KIAA1217: variants seen among roughly 807,000 people sequenced by gnomAD.
KIAA1217 encodes sickle tail protein homolog.
Under a neutral mutation model 163.9 loss-of-function variants are expected in KIAA1217, and 88 were observed. That is an observed-to-expected ratio of 0.54 (90% CI 0.45 to 0.64). The LOEUF is 0.64. KIAA1217 is among the 30% of genes least tolerant of loss of function. The probability of loss-of-function intolerance (pLI) is 0.00; values close to 1 mark genes in which losing one functional copy is unlikely to be tolerated. For synonymous variants in KIAA1217, 903 were observed against 923.1 expected (o/e 0.98, Z 0.39); for missense variants, 2,372 against 2,475.0 (o/e 0.96, Z 0.88).
chr10:24,212,619 T>C (rs112551476), intron 1 of KIAA1217, among the ~76,000 whole-genome samples: 97 of 152,332 alleles, frequency 6.4e-4, no homozygotes, highest in Non-Finnish European at 1.2e-3. Flanking sequence ...AATATGATGC[T>C]GTAGAGAAGC....
In KIAA1217 at chr10:23,790,546, T is replaced by C. The variant is rs1269845876; in HGVS notation, c.-321+95312T>C. ...ATACATATATACATATACATGTGCA[T>C]ATATACATATGTACATATGTATATA... On this transcript the variant is annotated intron_variant, in intron 1 of 18. Transcript: ENST00000376462. Among the ~76,000 whole-genome samples, 3 of 118,290 alleles carry C rather than the reference T, an allele frequency of 2.5e-5. 1 individual carries two copies. The highest frequency in any genetic ancestry group is 1.2e-4 in the African/African-American group (3 of 25,240). The allele number at this position is 118,290 out of a possible 152,430, so 77.6% of individuals were successfully genotyped here. A position where few individuals can be genotyped will look rare whatever the true frequency, so the allele number is the denominator to read the frequency against.
At chr10:24,517,172 TAAA>T (rs34657439) in intron 10 of KIAA1217, among the ~76,000 whole-genome samples, 42,998 of 141,688 alleles carry the variant, frequency 0.3, 6,415 homozygotes, top group Middle Eastern at 0.42. Context: ...AAAACCCTGT[TAAA>T]AAAAAAAAAA....
intron 1 of KIAA1217, among the ~76,000 whole-genome samples, chr10:23,934,620 TATA>T (rs1297498276): frequency 2.1e-5 from 2 of 93,882 alleles, no homozygotes; most frequent in Admixed American, 1.0e-4. Flanking sequence ...TATATATATA[TATA>T]TATTTTTTTT....
At chr10:23,850,443 A>G (rs564718797) in intron 1 of KIAA1217, among the ~76,000 whole-genome samples, 2 of 152,252 alleles carry the variant, frequency 1.3e-5, no homozygotes, top group Middle Eastern at 3.4e-3. Context: ...ACTGTAGGGA[A>G]AAAACCAGAT....
intron 2 of KIAA1217, among the ~76,000 whole-genome samples, chr10:24,149,040 G>T (rs2064475103): frequency 6.6e-6 from 1 of 152,020 alleles, no homozygotes; most frequent in Non-Finnish European, 1.5e-5. Context: ...TCTGCTTACT[G>T]CCTGACATCC....
intron 1 of KIAA1217, among the ~76,000 whole-genome samples, chr10:23,955,174 G>T (rs954403840): frequency 6.6e-6 from 1 of 152,158 alleles, no homozygotes; most frequent in African/African-American, 2.4e-5. Context: ...CACAGAGGGG[G>T]TAAGCGGCAG....
In KIAA1217 at chr10:23,818,956, T is replaced by C. The variant is rs115174520; in HGVS notation, c.-321+123722T>C. Among the ~76,000 whole-genome samples the C allele has an allele frequency of 6.9e-3, 1,044 of 152,316 alleles. 14 individuals carry two copies. The highest frequency in any genetic ancestry group is 0.024 in the African/African-American group (1,008 of 41,564). ...GATCACATCTTAATAAAATCTCCCTTATGTACATAATGTGTTTAAAATGAT... is the reference window on the plus strand; with the variant it reads ...GATCACATCTTAATAAAATCTCCCTCATGTACATAATGTGTTTAAAATGAT... On this transcript the variant is annotated intron_variant, in intron 1 of 18. Coordinates refer to the KIAA1217 transcript ENST00000376462.
In KIAA1217 at chr10:24,068,482, T is replaced by G. The variant is rs568192675; in HGVS notation, c.-171+61108T>G. 2.0e-5 allele frequency among the ~76,000 whole-genome samples: 3 copies of G among 152,344 alleles called. No homozygotes were observed. The East Asian group carries it at 5.8e-4, about 29-fold the overall frequency. On this transcript the variant is annotated intron_variant, in intron 2 of 18. Coordinates refer to the KIAA1217 transcript ENST00000376462. ...GTTTCATTAGGATTGGTTTCTCGAA[T>G]TTTATCTTGTTTCTTAGTTTGAATC...
Position 23,940,465 on chromosome 10 carries a change from AAAAAAAAAAAAAAAAAAAAG to A in KIAA1217, c.-320-66753_-320-66734del, listed in dbSNP as rs1281941307. ...ACAACAGAGAGACTCCGTCTCAAAAAAAAAAAAAAAAAAAAAAAAGAAAAAAGAAAAAAAGAAATTTCAGC... is the reference window on the plus strand; with the variant it reads ...ACAACAGAGAGACTCCGTCTCAAAAAAAAAAAGAAAAAAAGAAATTTCAGC... On this transcript the variant is annotated intron_variant, in intron 1 of 18. Coordinates refer to the KIAA1217 transcript ENST00000376462. Among the ~76,000 whole-genome samples the A allele has an allele frequency of 7.7e-5, 11 of 142,576 alleles. 1 individual carries two copies. Among genetic ancestry groups the A allele is most frequent in the Non-Finnish European group, 1.2e-4 (8 of 65,404 alleles). 93.5% of individuals were successfully genotyped at this position (142,576 alleles called of 152,430 possible).
rs186310146 is a variant in KIAA1217 at position 23,848,283 on chromosome 10, C to G, written c.-321+153049C>G. 1.6e-4 allele frequency among the ~76,000 whole-genome samples: 24 copies of G among 152,148 alleles called. No homozygotes were observed. The East Asian group carries it at 4.3e-3, about 27-fold the overall frequency. ...GATTATCCTTGTTAATTTTCTGTCTCATTGATTTGTCTAATATTGACAGTG... is the reference window on the plus strand; with the variant it reads ...GATTATCCTTGTTAATTTTCTGTCTGATTGATTTGTCTAATATTGACAGTG... On this transcript the variant is annotated intron_variant, in intron 1 of 18. Transcript: ENST00000376462.
chr10:23,755,616 A>G (rs887409235), intron 1 of KIAA1217, among the ~76,000 whole-genome samples: 2 of 152,190 alleles, frequency 1.3e-5, no homozygotes, highest in African/African-American at 4.8e-5. Context: ...CAAACGAGGA[A>G]TGAAAAGAGA....
intron 1 of KIAA1217, among the ~76,000 whole-genome samples, chr10:23,781,467 A>G (rs1201029111): frequency 6.6e-6 from 1 of 152,098 alleles, no homozygotes; most frequent in Non-Finnish European, 1.5e-5. Flanking sequence ...TGAGTTCCTT[A>G]TGTATTTTGG....
At chr10:23,908,205 G>A (rs1453834976) in intron 1 of KIAA1217, among the ~76,000 whole-genome samples, 2 of 152,130 alleles carry the variant, frequency 1.3e-5, no homozygotes, top group African/African-American at 4.8e-5. Flanking sequence ...AGAGTGAAGG[G>A]AAGGTGGTCA....
intron 2 of KIAA1217, among the ~76,000 whole-genome samples, chr10:24,372,118 CGG>C (rs2051743442): frequency 6.6e-6 from 1 of 152,056 alleles, no homozygotes; most frequent in Non-Finnish European, 1.5e-5. Flanking sequence ...ACAAAAACAC[CGG>C]GGGTTTGGTC....
chr10:23,723,198 T>G (rs1191240151), intron 1 of KIAA1217, among the ~76,000 whole-genome samples: 1 of 152,164 alleles, frequency 6.6e-6, no homozygotes, highest in African/African-American at 2.4e-5. Context: ...TGCCCCTTCC[T>G]TATGGGTATT....
intron 3 of KIAA1217, among the ~76,000 whole-genome samples, chr10:24,423,987 G>A (rs2058975392): frequency 6.6e-6 from 1 of 152,058 alleles, no homozygotes; most frequent in Admixed American, 6.6e-5. Context: ...TTGACAGATA[G>A]ATCCTTCTTG....
At chr10:23,859,533 A>C (rs886177832) in intron 1 of KIAA1217, among the ~76,000 whole-genome samples, 3 of 152,230 alleles carry the variant, frequency 2.0e-5, no homozygotes, top group African/African-American at 7.2e-5. Context: ...TCCTTGCTCT[A>C]GGGACACCCA....
chr10:24,191,552 A>AATATATATATAT (rs59779872), intron 2 of KIAA1217, among the ~76,000 whole-genome samples: 1 of 148,264 alleles, frequency 6.7e-6, no homozygotes, highest in African/African-American at 2.5e-5. Context: ...TGTACCCACA[A>AATATATATATAT]ATATATATAT....
intron 2 of KIAA1217, among the ~76,000 whole-genome samples, chr10:24,343,952 C>T (rs1465003338): frequency 6.6e-6 from 1 of 152,110 alleles, no homozygotes; most frequent in African/African-American, 2.4e-5. Context: ...GCTGTTTTTC[C>T]GTCTCCAATT....
Sources: allele counts gnomAD v4.1 joint callset (sites outside exome capture counted in the v4.1 genomes callset), GRCh38; gene constraint gnomAD v4.1.1; transcripts MANE v1.5; gene names NCBI Gene and HGNC (gene_info 2026-07-23, HGNC 2026-07-21).